The following CACNA2D3 variants were observed in gnomAD, a reference collection of about 807,000 sequenced individuals.
CACNA2D3 encodes voltage-dependent calcium channel subunit alpha-2/delta-3.
A neutral mutation model predicts 160.6 loss-of-function variants in CACNA2D3; 60 were observed. That is an observed-to-expected ratio of 0.37 (90% confidence interval 0.30 to 0.46). The LOEUF (loss-of-function observed/expected upper bound fraction) is 0.46, where lower values mean the gene tolerates loss of function less well. CACNA2D3 is among the 20% of genes least tolerant of loss of function. The pLI is 1.00. For synonymous variants in CACNA2D3, 558 were observed against 492.9 expected (o/e 1.13, Z -1.75); for missense variants, 1,205 against 1,365.0 (o/e 0.88, Z 1.85).
intron 27 of CACNA2D3, chr3:54,918,359 T>A: frequency 3.2e-6 from 2 of 628,036 alleles, no homozygotes; most frequent in Non-Finnish European, 4.6e-6. Flanking sequence ...TTTTTTTGTC[T>A]TTTGGCAAAA....
chr3:54,453,567 C>T (rs898589840), intron 4 of CACNA2D3, among the ~76,000 whole-genome samples: 4 of 152,168 alleles, frequency 2.6e-5, no homozygotes, highest in Non-Finnish European at 4.4e-5. Context: ...TTAGGCAAAA[C>T]GAGCCTGTTT....
intron 2 of CACNA2D3, among the ~76,000 whole-genome samples, chr3:54,132,795 G>C (rs1366787397): frequency 6.6e-6 from 1 of 152,148 alleles, no homozygotes; most frequent in Non-Finnish European, 1.5e-5. Flanking sequence ...GACAATCTGG[G>C]TTTGAATCGA....
intron 2 of CACNA2D3, among the ~76,000 whole-genome samples, chr3:54,304,653 A>G (rs1446539063): frequency 6.6e-6 from 1 of 152,202 alleles, no homozygotes; most frequent in African/African-American, 2.4e-5. Context: ...CTTTAATAAG[A>G]AGAAAAAAGT....
At chr3:54,735,112 C>T (rs1301060055) in intron 11 of CACNA2D3, among the ~76,000 whole-genome samples, 1 of 152,218 alleles carries the variant, frequency 6.6e-6, no homozygotes, top group Non-Finnish European at 1.5e-5. Context: ...AGAGTAGCAG[C>T]AAAGCTGTAT....
Position 54,188,153 on chromosome 3 carries a change from G to A in CACNA2D3, c.204+64559G>A, listed in dbSNP as rs76831927. On this transcript the variant is annotated intron_variant, in intron 2 of 37. Coordinates refer to ENST00000474759, the MANE Select transcript of CACNA2D3 (RefSeq NM_018398.3). ...CAGAACTCATTGTATAGACTGTTAA[G>A]CGTAGGTCATGGTTGTGCTTTTTCC... Among the ~76,000 whole-genome samples, 2,175 of 152,260 alleles carry A rather than the reference G, an allele frequency of 0.014. 124 individuals carry two copies. In the East Asian group the frequency reaches 0.21, roughly 14 times the overall value.
intron 11 of CACNA2D3, among the ~76,000 whole-genome samples, chr3:54,686,004 A>G (rs1422829717): frequency 6.6e-6 from 1 of 152,206 alleles, no homozygotes; most frequent in East Asian, 1.9e-4. Context: ...GCTGCATTAC[A>G]TGGCTTTTAC....
chr3:54,870,308 G>A (rs1472179769), intron 17 of CACNA2D3, among the ~76,000 whole-genome samples: 2 of 152,174 alleles, frequency 1.3e-5, no homozygotes, highest in African/African-American at 4.8e-5. Context: ...TAGCTGATCA[G>A]TGTCAAAAAT....
chr3:54,334,699 C>T (rs1282888535), intron 3 of CACNA2D3, among the ~76,000 whole-genome samples: 2 of 152,208 alleles, frequency 1.3e-5, no homozygotes, highest in African/African-American at 4.8e-5. Flanking sequence ...AGCAATCACA[C>T]GAGTGACCTC....
chr3:54,674,423 C>T (rs1700205997), intron 11 of CACNA2D3, among the ~76,000 whole-genome samples: 1 of 151,934 alleles, frequency 6.6e-6, no homozygotes, highest in African/African-American at 2.4e-5. Flanking sequence ...ATAATTGTTG[C>T]CTTAGGAGAG....
In CACNA2D3 at chr3:55,074,278, C is replaced by G. The variant is rs1315877719; in HGVS notation, c.*72C>G. On this transcript the variant is annotated 3_prime_UTR_variant, in exon 38 of 38. Transcript: ENST00000474759. ...GCTAAATCATGGATAAACTGTGAAC[C>G]AAAATATGGTGCAACATACGAGACA... 2 of 1,223,358 alleles carry G rather than the reference C, an allele frequency of 1.6e-6. No homozygotes were observed. Among genetic ancestry groups the G allele is most frequent in the Admixed American group, 3.4e-5 (2 of 59,396 alleles). The allele number at this position is 1,223,358 out of a possible 1,614,324, so 75.8% of individuals were successfully genotyped here. A position where few individuals can be genotyped will look rare whatever the true frequency, so the allele number is the denominator to read the frequency against.
chr3:54,921,093 G>A (rs1051698759), intron 27 of CACNA2D3, among the ~76,000 whole-genome samples: 4 of 152,166 alleles, frequency 2.6e-5, no homozygotes, highest in Non-Finnish European at 4.4e-5. Context: ...TACAGCTTGA[G>A]GGTCCCACAT....
chr3:54,994,593 CTCATCTTCA>C (rs1164734432), intron 31 of CACNA2D3, among the ~76,000 whole-genome samples: 1 of 152,190 alleles, frequency 6.6e-6, no homozygotes, highest in Non-Finnish European at 1.5e-5. Context: ...AGTAACTGCC[CTCATCTTCA>C]TCATCATGCA....
chr3:54,380,071 A>G (rs1699074300), intron 3 of CACNA2D3, among the ~76,000 whole-genome samples: 1 of 152,216 alleles, frequency 6.6e-6, no homozygotes, highest in Non-Finnish European at 1.5e-5. Context: ...AGAAGGAATG[A>G]AAATGTAAAT....
chr3:54,203,752 G>T (rs1364036327), intron 2 of CACNA2D3, among the ~76,000 whole-genome samples: 1 of 151,978 alleles, frequency 6.6e-6, no homozygotes, highest in Non-Finnish European at 1.5e-5. Flanking sequence ...CTGTTCTGCC[G>T]ACGTGCTTCC....
chr3:54,532,741 G>A (rs773859554), intron 5 of CACNA2D3, among the ~76,000 whole-genome samples: 6 of 152,066 alleles, frequency 3.9e-5, no homozygotes, highest in Non-Finnish European at 7.4e-5. Flanking sequence ...TTGTTATTGC[G>A]AATAGTGCTG....
intron 2 of CACNA2D3, among the ~76,000 whole-genome samples, chr3:54,135,854 A>G (rs1699805513): frequency 6.6e-6 from 1 of 152,214 alleles, no homozygotes; most frequent in African/African-American, 2.4e-5. Context: ...CGCAGGTCTC[A>G]CAGTGAATCA....
chr3:54,466,508 C>G (rs1700629635), intron 4 of CACNA2D3, among the ~76,000 whole-genome samples: 1 of 152,104 alleles, frequency 6.6e-6, no homozygotes, highest in Non-Finnish European at 1.5e-5. Flanking sequence ...ATTTGCTGAT[C>G]CGAGCCAAGT....
At chr3:54,124,547 A>G (rs1391570886) in intron 2 of CACNA2D3, among the ~76,000 whole-genome samples, 1 of 152,248 alleles carries the variant, frequency 6.6e-6, no homozygotes, top group Non-Finnish European at 1.5e-5. Context: ...ACATTTTAAA[A>G]TATGATTTTT....
At chr3:54,298,896 T>A (rs1032673225) in intron 2 of CACNA2D3, among the ~76,000 whole-genome samples, 1 of 138,118 alleles carries the variant, frequency 7.2e-6, no homozygotes, top group African/African-American at 2.8e-5. Flanking sequence ...AGTGAGCTGA[T>A]TACACCACTG....
Sources: gnomAD v4.1 joint callset for allele counts (sites outside exome capture counted in the v4.1 genomes callset) on GRCh38, gnomAD v4.1.1 for gene constraint, MANE v1.5 for transcripts, NCBI Gene and HGNC (gene_info 2026-07-23, HGNC 2026-07-21) for gene names.